ZNRF3: variants seen among roughly 807,000 people sequenced by gnomAD.
ZNRF3 encodes the protein E3 ubiquitin-protein ligase ZNRF3.
A neutral mutation model predicts 72.5 loss-of-function variants in ZNRF3; 23 were observed. The ratio of observed to expected loss-of-function variants is 0.32; its 90% CI spans 0.23 to 0.45. The LOEUF (loss-of-function observed/expected upper bound fraction) is 0.45. Ranked by LOEUF, ZNRF3 falls within the 20% of genes least tolerant of loss-of-function variation. The pLI is 1.00. For missense variants in ZNRF3, 1,169 were observed against 1,272.1 expected (o/e 0.92, Z 1.23); for synonymous variants, 610 against 545.3 (o/e 1.12, Z -1.65).
At chr22:28,999,030 T>G (rs1394124119) in intron 2 of ZNRF3, among the ~76,000 whole-genome samples, 2 of 151,988 alleles carry the variant, frequency 1.3e-5, no homozygotes, top group African/African-American at 4.8e-5. Flanking sequence ...CAAAAATAGC[T>G]ACTGAAGCCG....
intron 1 of ZNRF3, among the ~76,000 whole-genome samples, chr22:28,917,862 C>T (rs1275082186): frequency 6.6e-6 from 1 of 152,188 alleles, no homozygotes; most frequent in Non-Finnish European, 1.5e-5. Flanking sequence ...CCCTGGCCAC[C>T]AAGCCAAGTT....
At chr22:29,039,917 C>G (rs983360316) in intron 2 of ZNRF3, among the ~76,000 whole-genome samples, 2 of 152,080 alleles carry the variant, frequency 1.3e-5, no homozygotes, top group African/African-American at 4.8e-5. Context: ...TATGATTGCA[C>G]CACTCCAGCC....
chr22:28,978,896 A>T (rs1221725138), intron 1 of ZNRF3, among the ~76,000 whole-genome samples: 1 of 152,120 alleles, frequency 6.6e-6, no homozygotes, highest in African/African-American at 2.4e-5. Context: ...CATTCTTCCA[A>T]TGTAGTTATA....
intron 2 of ZNRF3, among the ~76,000 whole-genome samples, chr22:28,995,350 C>T (rs1234806562): frequency 6.6e-6 from 1 of 152,094 alleles, no homozygotes. Context: ...AGGAGAATGG[C>T]GTGAGCCCAG....
At chr22:28,976,992 G>T (rs1336031119) in intron 1 of ZNRF3, among the ~76,000 whole-genome samples, 1 of 152,074 alleles carries the variant, frequency 6.6e-6, no homozygotes, top group Non-Finnish European at 1.5e-5. Context: ...GAAATTCTAG[G>T]GCGTGGGAGA....
chr22:28,961,850 C>A (rs1291018719), intron 1 of ZNRF3, among the ~76,000 whole-genome samples: 1 of 152,198 alleles, frequency 6.6e-6, no homozygotes, highest in Non-Finnish European at 1.5e-5. Flanking sequence ...ACCTTCCTTG[C>A]TGACTTCCTG....
chr22:28,949,956 G>A (rs532876726), intron 1 of ZNRF3, among the ~76,000 whole-genome samples: 2,449 of 50,070 alleles, frequency 0.049, 73 homozygotes, highest in African/African-American at 0.078. Flanking sequence ...ATTTCGCCAC[G>A]CAGAATTTTT....
intron 2 of ZNRF3, among the ~76,000 whole-genome samples, chr22:29,013,480 G>A (rs1195414033): frequency 1.3e-5 from 2 of 152,180 alleles, no homozygotes; most frequent in Non-Finnish European, 2.9e-5. Flanking sequence ...AAGGCAAGAC[G>A]ACACCTTGCC....
chr22:29,032,608 T>C (rs1016658178), intron 2 of ZNRF3, among the ~76,000 whole-genome samples: 1 of 152,204 alleles, frequency 6.6e-6, no homozygotes, highest in Non-Finnish European at 1.5e-5. Context: ...CAGACCTTTC[T>C]AAAAAGTCAA....
intron 8 of ZNRF3, among the ~76,000 whole-genome samples, chr22:29,052,904 T>C (rs1027453839): frequency 2.0e-5 from 3 of 152,050 alleles, no homozygotes; most frequent in Non-Finnish European, 2.9e-5. Flanking sequence ...GCCCAAGAGA[T>C]TGAGGCTGTA....
chr22:29,045,603 C>T (rs186028697), intron 5 of ZNRF3, among the ~76,000 whole-genome samples: 23 of 152,210 alleles, frequency 1.5e-4, no homozygotes, highest in Admixed American at 1.4e-3. Flanking sequence ...AGTCTCATGC[C>T]TTAGCCTCCC....
At chr22:28,970,090 G>A (rs1455970747) in intron 1 of ZNRF3, among the ~76,000 whole-genome samples, 1 of 152,100 alleles carries the variant, frequency 6.6e-6, no homozygotes, top group Admixed American at 6.6e-5. Flanking sequence ...CTTCTTACCC[G>A]ACTACAAAGA....
intron 1 of ZNRF3, chr22:28,986,782 G>T (rs1445003724): frequency 3.8e-5 from 21 of 552,814 alleles, no homozygotes; most frequent in Non-Finnish European, 4.8e-5. Flanking sequence ...TATGGGAATT[G>T]TGCTGTTTTC....
At chr22:28,940,338 C>G (rs2034918101) in intron 1 of ZNRF3, among the ~76,000 whole-genome samples, 1 of 152,144 alleles carries the variant, frequency 6.6e-6, no homozygotes, top group African/African-American at 2.4e-5. Flanking sequence ...TCAACCTGAA[C>G]TGTCTAAATA....
At position 28,958,041 on chromosome 22, in the gene ZNRF3, A is replaced by T. The variant is rs978427203; in HGVS notation, c.301-29035A>T. ...TCTCTACTAAAAATACAAAAAAATT[A>T]GCCGGGCGTTGTGGCTTGTGCCTGT... On this transcript the variant is annotated intron_variant, in intron 1 of 8. Transcript: ENST00000544604. Among the ~76,000 whole-genome samples the T allele has an allele frequency of 2.0e-5, 3 of 152,216 alleles. No individual in the cohort carries two copies. The East Asian group carries it at 5.8e-4, about 30-fold the overall frequency.
chr22:28,910,920 T>G (rs996573460), intron 1 of ZNRF3, among the ~76,000 whole-genome samples: 1 of 152,186 alleles, frequency 6.6e-6, no homozygotes, highest in Non-Finnish European at 1.5e-5. Flanking sequence ...TTCTAGCTTG[T>G]GTAGACCTGG....
intron 1 of ZNRF3, among the ~76,000 whole-genome samples, chr22:28,945,719 G>A (rs1221320846): frequency 6.6e-6 from 1 of 151,806 alleles, no homozygotes; most frequent in African/African-American, 2.4e-5. Flanking sequence ...TAGTAGAGAC[G>A]GGGTTTCACC....
chr22:28,883,838 C>T lies in ZNRF3; in HGVS notation c.72C>T (p.Arg24=). 1.0e-6 allele frequency: 1 copy of T among 979,534 alleles called. No individual in the cohort carries two copies. Among genetic ancestry groups the T allele is most frequent in the Non-Finnish European group, 1.2e-6 (1 of 827,616 alleles). The allele number at this position is 979,534 out of a possible 1,614,324, so 60.7% of individuals were successfully genotyped here. ...RRRRRLRRRP[R]GLRCSRLPPP... is the part of the protein sequence containing the mutation. ...GCCGCCGCCTGCGCCGCCGCCCCCG[C>T]GGCCTCCGGTGCAGCCGCCTGCCGC... is the stretch of plus-strand genomic sequence containing the variant. The change falls in exon 1 of 9, where the codon CGC becomes CGT. Residue 24 remains arginine, a synonymous_variant. Transcript: ENST00000544604. The surrounding 1 kb of genome is among the most constrained non-coding windows in gnomAD (Gnocchi z 5.5).
At chr22:28,906,199 C>T (rs1050614675) in intron 1 of ZNRF3, among the ~76,000 whole-genome samples, 1 of 152,174 alleles carries the variant, frequency 6.6e-6, no homozygotes, top group Admixed American at 6.5e-5. Flanking sequence ...TAGTGGTGCA[C>T]GTCTGTAGTC....
Sources: gnomAD v4.1 joint callset for allele counts (sites outside exome capture counted in the v4.1 genomes callset) on GRCh38, gnomAD v4.1.1 for gene constraint, Gnocchi (gnomAD v3.1) non-coding constraint, MANE v1.5 for transcripts, NCBI Gene and HGNC (gene_info 2026-07-23, HGNC 2026-07-21) for gene names.